Variants in PIWIL1 observed in about 807,000 individuals in gnomAD.
PIWIL1 encodes the protein piwi-like protein 1.
Under a neutral mutation model 114.4 loss-of-function variants are expected in PIWIL1, and 73 were observed. That is an observed-to-expected ratio of 0.64 (90% CI 0.53 to 0.78). PIWIL1 has a LOEUF of 0.78. PIWIL1 is among the 30% of genes least tolerant of loss of function. The pLI is 0.00. For missense variants in PIWIL1, 723 were observed against 1,063.1 expected (o/e 0.68, Z 4.45); for synonymous variants, 375 against 369.0 (o/e 1.02, Z -0.19).
chr12:130,425,279 G>A, the PIWIL1 span: 49 of 161,438 alleles, frequency 3.0e-4, no homozygotes, highest in Admixed American at 7.1e-4. Flanking sequence ...ACTGGAGGCC[G>A]TGTGTGACTG....
chr12:130,370,464 T>C (rs1184467496), intron 19 of PIWIL1, among the ~76,000 whole-genome samples: 1 of 152,184 alleles, frequency 6.6e-6, no homozygotes, highest in Non-Finnish European at 1.5e-5. Flanking sequence ...GGTATTATAA[T>C]CTAAAGATGA....
chr12:130,361,790 G>A (rs2136178636), intron 16 of PIWIL1, among the ~76,000 whole-genome samples, 189 bp downstream of exon 16: 1 of 152,208 alleles, frequency 6.6e-6, no homozygotes, highest in South Asian at 2.1e-4. Context: ...TCGTCAAACT[G>A]CATTTCAGAT....
At chr12:130,369,271 C>T (rs1251292505) in intron 19 of PIWIL1, among the ~76,000 whole-genome samples, 1 of 152,146 alleles carries the variant, frequency 6.6e-6, no homozygotes, top group East Asian at 1.9e-4. Flanking sequence ...TGTATATATA[C>T]CACATTTTCT....
chr12:130,406,114 A>G, the PIWIL1 span: 1 of 1,156,736 alleles, frequency 8.6e-7, no homozygotes, highest in East Asian at 2.3e-5. Flanking sequence ...AACAAAACAC[A>G]CAAAATAAAT....
chr12:130,424,352 G>A, the PIWIL1 span: 1 of 1,232,486 alleles, frequency 8.1e-7, no homozygotes, highest in Non-Finnish European at 1.0e-6. This position sits in a 1 kb window ranked among gnomAD's most constrained non-coding sequence, Gnocchi z 9.8. Flanking sequence ...GCTCCCCAAA[G>A]TCCTCCTCCA....
At chr12:130,357,715 AG>A (rs2073401745) in intron 14 of PIWIL1, among the ~76,000 whole-genome samples, 162 bp downstream of exon 14, 1 of 152,214 alleles carries the variant, frequency 6.6e-6, no homozygotes, top group Non-Finnish European at 1.5e-5. Context: ...AGCTAATGCT[AG>A]CTTTAGTTGT....
At chr12:130,340,243 T>C (rs745714372) in intron 1 of PIWIL1, among the ~76,000 whole-genome samples, 15 of 151,958 alleles carry the variant, frequency 9.9e-5, no homozygotes, top group Non-Finnish European at 1.9e-4. Flanking sequence ...AGTCACGGAA[T>C]TGATAGTGAT....
chr12:130,347,187 T>A lies in PIWIL1; in HGVS notation c.653+125T>A, dbSNP rs1217047083. 12 of 714,968 alleles carry A rather than the reference T, an allele frequency of 1.7e-5. 1 individual carries two copies. The South Asian group carries it at 1.8e-4, about 11-fold the overall frequency. 44.3% of individuals were successfully genotyped at this position (714,968 alleles called of 1,614,324 possible). A position where few individuals can be genotyped will look rare whatever the true frequency, so the allele number is the denominator to read the frequency against. On this transcript the variant is annotated intron_variant, in intron 6 of 20. Transcript: ENST00000245255. ...TTGGGATTATTGAGTTTCTCTGTATTGCAGTAACTTAAGGTGTGGTTTACT... is the reference window on the plus strand; with the variant it reads ...TTGGGATTATTGAGTTTCTCTGTATAGCAGTAACTTAAGGTGTGGTTTACT...
chr12:130,355,183 C>T (rs1247478916), intron 11 of PIWIL1, among the ~76,000 whole-genome samples, 178 bp downstream of exon 11: 1 of 152,136 alleles, frequency 6.6e-6, no homozygotes, highest in Non-Finnish European at 1.5e-5. Flanking sequence ...CTCACTTATT[C>T]CTCAGGAAAT....
At chr12:130,395,619 T>A in the PIWIL1 span, among the ~76,000 whole-genome samples, 1 of 152,206 alleles carries the variant, frequency 6.6e-6, no homozygotes, top group Non-Finnish European at 1.5e-5. Context: ...GGTAAAAAGA[T>A]ATTATGGTAG....
At position 130,347,057 on chromosome 12, in the gene PIWIL1, C is replaced by T. The variant is rs767510146; in HGVS notation, c.648C>T (p.Phe216=). 21 of 1,605,058 alleles carry T rather than the reference C, an allele frequency of 1.3e-5. No homozygotes were observed. The highest frequency in any genetic ancestry group is 1.8e-5 in the Non-Finnish European group (21 of 1,175,172). ...PTCLQFYNII[F]RRLLKIMNLQ... is the part of the protein sequence containing the mutation. ...GTTTGCAGTTCTATAATATTATTTT[C>T]AGGAGGTATGTGTTTTATTTCAACA... The change falls in exon 6 of 21, where the codon TTC becomes TTT. Residue 216 remains phenylalanine, a synonymous_variant. Transcript: ENST00000245255.
At chr12:130,367,911 C>T (rs1232016313) in intron 19 of PIWIL1, among the ~76,000 whole-genome samples, 3 of 152,214 alleles carry the variant, frequency 2.0e-5, no homozygotes, top group African/African-American at 7.2e-5. Flanking sequence ...AATTCTCATG[C>T]CGTAGCCTCC....
At chr12:130,392,042 A>G in the PIWIL1 span, among the ~76,000 whole-genome samples, 1 of 150,588 alleles carries the variant, frequency 6.6e-6, no homozygotes, top group South Asian at 2.1e-4. Context: ...CCTGGTGAAT[A>G]TTGAATGTTG....
intron 10 of PIWIL1, 106 bp from the exon 11 acceptor site, chr12:130,354,782 C>T: frequency 7.0e-7 from 1 of 1,428,222 alleles, no homozygotes; most frequent in South Asian, 1.4e-5. Context: ...TTTATTAAAA[C>T]TGCTTTGTCT....
At chr12:130,384,810 C>G in the PIWIL1 span, among the ~76,000 whole-genome samples, 1 of 151,936 alleles carries the variant, frequency 6.6e-6, no homozygotes, top group African/African-American at 2.4e-5. Flanking sequence ...GAGGGGAGAC[C>G]CTAAATAGAT....
chr12:130,406,372 T>C, the PIWIL1 span: 1 of 631,308 alleles, frequency 1.6e-6, no homozygotes, highest in East Asian at 2.8e-5. Flanking sequence ...TTCAGTCAAA[T>C]AAAGGTAGAA....
chr12:130,345,705 C>T (rs1248562942), intron 3 of PIWIL1, 48 bp from the exon 4 acceptor site: 1 of 1,605,312 alleles, frequency 6.2e-7, no homozygotes, highest in East Asian at 2.2e-5. Context: ...ATATTGTCAT[C>T]CTTTATTTCG....
intron 12 of PIWIL1, 42 bp downstream of exon 12, chr12:130,355,709 G>T: frequency 1.5e-6 from 2 of 1,332,538 alleles, no homozygotes; most frequent in African/African-American, 1.4e-5. Flanking sequence ...TTTTTGAGAC[G>T]GAGTCTCGCT....
At chr12:130,413,653 AAAAG>A in the PIWIL1 span, among the ~76,000 whole-genome samples, 2 of 149,888 alleles carry the variant, frequency 1.3e-5, no homozygotes, top group African/African-American at 4.9e-5. Context: ...AAAAAAAAAA[AAAAG>A]GAACTGGGTA....
Sources: allele counts gnomAD v4.1 joint callset (sites outside exome capture counted in the v4.1 genomes callset), GRCh38; gene constraint gnomAD v4.1.1; non-coding constraint Gnocchi (gnomAD v3.1); transcripts MANE v1.5; gene names NCBI Gene and HGNC (gene_info 2026-07-23, HGNC 2026-07-21).